The following FAT4 variants were observed in gnomAD, a reference collection of about 807,000 sequenced individuals.
FAT4 encodes the protein protocadherin Fat 4.
A neutral mutation model predicts 303.9 loss-of-function variants in FAT4; 84 were observed. The observed-to-expected ratio is 0.28, with a 90% CI of 0.23 to 0.33. The LOEUF (loss-of-function observed/expected upper bound fraction) is 0.33. FAT4 is among the 10% of genes least tolerant of loss of function. The probability of loss-of-function intolerance (pLI) is 1.00; values close to 1 mark genes in which losing one functional copy is unlikely to be tolerated. For synonymous variants in FAT4, 2,307 were observed against 2,298.8 expected (o/e 1.00, Z -0.10); for missense variants, 6,005 against 6,146.8 (o/e 0.98, Z 0.77).
chr4:125,323,465 T>C (rs575540184), intron 2 of FAT4, among the ~76,000 whole-genome samples: 19 of 152,312 alleles, frequency 1.2e-4, no homozygotes, highest in Middle Eastern at 3.4e-3. Flanking sequence ...TCATATATAC[T>C]ATGTTCTATT....
At chr4:125,415,992 A>T (rs1413444370) in intron 6 of FAT4, among the ~76,000 whole-genome samples, 186 bp downstream of exon 6, 1 of 152,166 alleles carries the variant, frequency 6.6e-6, no homozygotes, top group Non-Finnish European at 1.5e-5. Flanking sequence ...GAACCTCTTA[A>T]TTTCCTCATT....
chr4:125,317,239 C>T lies in FAT4; in HGVS notation c.828C>T (p.Asp276=). 6.3e-7 allele frequency: 1 copy of T among 1,579,020 alleles called. No homozygotes were observed. The highest frequency in any genetic ancestry group is 8.6e-7 in the Non-Finnish European group (1 of 1,160,028). Reference sequence around the variant, plus strand: ...GCGTCCTCCAGGTGGCGGCGGCGGACGCGGACGAGGGCACCAACGCGGACA... The same window carrying T: ...GCGTCCTCCAGGTGGCGGCGGCGGATGCGGACGAGGGCACCAACGCGGACA... ...GSSVLQVAAA[D]ADEGTNADIR... Residue 276 remains aspartate (D), a synonymous_variant, in exon 2 of 18, where the codon GAC becomes GAT. Coordinates refer to ENST00000394329, the MANE Select transcript of FAT4 (RefSeq NM_001291303.3). The surrounding 1 kb of genome is among the most constrained non-coding windows in gnomAD (Gnocchi z 7.0).
intron 2 of FAT4, among the ~76,000 whole-genome samples, chr4:125,387,618 T>A (rs1260228676): frequency 6.6e-6 from 1 of 152,186 alleles, no homozygotes; most frequent in East Asian, 1.9e-4. Flanking sequence ...AGGAAGAACT[T>A]GATATGTATT....
intron 2 of FAT4, among the ~76,000 whole-genome samples, chr4:125,358,794 T>C (rs1005200105): frequency 6.6e-6 from 1 of 152,152 alleles, no homozygotes; most frequent in African/African-American, 2.4e-5. Context: ...ATCCACGTTT[T>C]CTATGTTTGT....
chr4:125,402,009 T>G (rs759654515), intron 3 of FAT4, among the ~76,000 whole-genome samples: 2 of 151,944 alleles, frequency 1.3e-5, no homozygotes, highest in African/African-American at 4.8e-5. Flanking sequence ...ATTTAGTAAA[T>G]AGACTTTTCA....
intron 2 of FAT4, among the ~76,000 whole-genome samples, chr4:125,335,674 T>C (rs1027234326): frequency 6.6e-6 from 1 of 152,080 alleles, no homozygotes; most frequent in Non-Finnish European, 1.5e-5. Flanking sequence ...TTCATTTTTT[T>C]TTTCTGGAGG....
Position 125,315,264 on chromosome 4 carries a change from G to A in FAT4, c.-726G>A, listed in dbSNP as rs1030492687. ...CTGCGGAGGGCGTCACTACAGCCCA[G>A]CGCCGACTTCGCCGCCTCCGCTGCC... is the stretch of plus-strand genomic sequence containing the variant. On this transcript the variant is annotated 5_prime_UTR_variant, in exon 1 of 18. Coordinates refer to ENST00000394329, the MANE Select transcript of FAT4 (RefSeq NM_001291303.3). Among the ~76,000 whole-genome samples the A allele has an allele frequency of 1.3e-5, 2 of 152,150 alleles. No individual in the cohort carries two copies. Among genetic ancestry groups the A allele is most frequent in the Non-Finnish European group, 2.9e-5 (2 of 68,022 alleles).
At chr4:125,431,031 C>G (rs1166846246) in intron 7 of FAT4, among the ~76,000 whole-genome samples, 1 of 152,012 alleles carries the variant, frequency 6.6e-6, no homozygotes, top group African/African-American at 2.4e-5. Flanking sequence ...TCTACAGTAT[C>G]TACAGTAATG....
chr4:125,481,863 C>A (rs1327638855), intron 16 of FAT4, 125 bp downstream of exon 16: 6 of 759,632 alleles, frequency 7.9e-6, no homozygotes, highest in Non-Finnish European at 1.1e-5. Flanking sequence ...TAATGCTGGG[C>A]ACTATTCCAA....
chr4:125,346,593 A>T (rs1732013310), intron 2 of FAT4, among the ~76,000 whole-genome samples: 1 of 152,034 alleles, frequency 6.6e-6, no homozygotes, highest in Non-Finnish European at 1.5e-5. Context: ...CGGTGAACCC[A>T]CTTTGGAGGA....
At position 125,449,551 on chromosome 4, in the gene FAT4, T is replaced by C. The variant is rs769460640; in HGVS notation, c.8541T>C (p.Val2847=). The C allele has an allele frequency of 6.2e-7, 1 of 1,613,366 alleles. No homozygotes were observed. The change falls in exon 10 of 18, where the codon GTT becomes GTC. Residue 2847 remains valine (V), a synonymous_variant. Coordinates refer to ENST00000394329, the MANE Select transcript of FAT4 (RefSeq NM_001291303.3). The part of the protein sequence containing the change: ...REDTDRYRIR[V]SAHDSGWTVS... ...ATACAGACCGTTACAGAATTCGAGTTTCCGCACATGATTCTGGGTGGACTG... is the reference window on the plus strand; with the variant it reads ...ATACAGACCGTTACAGAATTCGAGTCTCCGCACATGATTCTGGGTGGACTG...
At chr4:125,444,334 G>A (rs1725756355) in intron 8 of FAT4, among the ~76,000 whole-genome samples, 1 of 152,086 alleles carries the variant, frequency 6.6e-6, no homozygotes, top group South Asian at 2.1e-4. Context: ...GAGCAATCAT[G>A]TGAGACAGAG....
At chr4:125,433,062 G>A (rs1257126879) in intron 7 of FAT4, among the ~76,000 whole-genome samples, 2 of 152,066 alleles carry the variant, frequency 1.3e-5, no homozygotes, top group African/African-American at 2.4e-5. Flanking sequence ...ACTAGGCCAC[G>A]AGTAATTACA....
chr4:125,379,236 A>G (rs759835682), intron 2 of FAT4, among the ~76,000 whole-genome samples: 2 of 151,786 alleles, frequency 1.3e-5, no homozygotes, highest in Admixed American at 6.6e-5. Flanking sequence ...ATGCGGAACA[A>G]TCTTTTAAAA....
At chr4:125,353,907 A>G (rs1041429658) in intron 2 of FAT4, among the ~76,000 whole-genome samples, 13 of 151,764 alleles carry the variant, frequency 8.6e-5, no homozygotes, top group Admixed American at 3.3e-4. Context: ...GAAATTTTCA[A>G]TAATCTATCA....
intron 2 of FAT4, among the ~76,000 whole-genome samples, chr4:125,339,517 A>G (rs562819539): frequency 6.6e-6 from 1 of 152,166 alleles, no homozygotes; most frequent in African/African-American, 2.4e-5. Flanking sequence ...TTCTATGGTA[A>G]TAGTTATTAA....
chr4:125,476,279 T>A, intron 13 of FAT4, 23 bp downstream of exon 13: 3 of 1,373,776 alleles, frequency 2.2e-6, no homozygotes, highest in African/African-American at 1.5e-5. Context: ...ATTAGTTTAA[T>A]TTTTATTATT....
Position 125,449,511 on chromosome 4 carries a change from C to T in FAT4, c.8501C>T (p.Pro2834Leu). 1 of 1,613,730 alleles carries T rather than the reference C, an allele frequency of 6.2e-7. No homozygotes were observed. Among genetic ancestry groups the T allele is most frequent in the Non-Finnish European group, 8.5e-7 (1 of 1,179,814 alleles). ...ACAGGGGATATTGTCATAAGCAGAC[C>T]TTTAAATAGGGAAGATACAGACCGT... ...PSTGDIVISR[P>L]LNREDTDRYR... The change falls in exon 10 of 18, where the codon CCT (proline) becomes CTT (leucine). Residue 2834 changes from proline to leucine, a missense_variant. Physicochemically the swap from Pro to Leu is moderately conservative, Grantham distance 98 (BLOSUM62 -3). Transcript: ENST00000394329.
At chr4:125,368,561 AT>A (rs1466752930) in intron 2 of FAT4, among the ~76,000 whole-genome samples, 1 of 148,618 alleles carries the variant, frequency 6.7e-6, no homozygotes, top group Non-Finnish European at 1.5e-5. Flanking sequence ...TGGATAAAAA[AT>A]GTTAACCCTT....
Sources: allele counts gnomAD v4.1 joint callset (sites outside exome capture counted in the v4.1 genomes callset), GRCh38; gene constraint gnomAD v4.1.1; non-coding constraint Gnocchi (gnomAD v3.1); transcripts MANE v1.5; gene names NCBI Gene and HGNC (gene_info 2026-07-23, HGNC 2026-07-21).